The following RIPK2 variants were observed in gnomAD, a reference collection of about 807,000 sequenced individuals.
RIPK2 encodes receptor-interacting serine/threonine-protein kinase 2.
A neutral mutation model predicts 60.9 loss-of-function variants in RIPK2; 38 were observed. That is an observed-to-expected ratio of 0.62 (90% CI 0.48 to 0.82). The LOEUF is 0.82. RIPK2 is among the 40% of genes least tolerant of loss of function. RIPK2 has a pLI of 0.00. For missense variants in RIPK2, 518 were observed against 647.0 expected (o/e 0.80, Z 2.16); for synonymous variants, 225 against 223.4 (o/e 1.01, Z -0.06).
chr8:89,768,955 CTT>C (rs1276984589), intron 3 of RIPK2, among the ~76,000 whole-genome samples: 2 of 151,698 alleles, frequency 1.3e-5, no homozygotes, highest in Admixed American at 6.6e-5. Flanking sequence ...ATTTCAGTGT[CTT>C]TTAGGATTTC....
intron 7 of RIPK2, among the ~76,000 whole-genome samples, chr8:89,781,354 A>ATTTTTTTTTTTTTTT (rs58525879): frequency 6.9e-6 from 1 of 143,962 alleles, no homozygotes; most frequent in African/African-American, 2.6e-5. Context: ...AATAGATTGA[A>ATTTTTTTTTTTTTTT]TTTTTTTTTT....
chr8:89,770,611 G>A (rs1431070784), intron 4 of RIPK2, among the ~76,000 whole-genome samples: 1 of 151,780 alleles, frequency 6.6e-6, no homozygotes, highest in Non-Finnish European at 1.5e-5. Flanking sequence ...TGCAAAAGCA[G>A]ACTCTCTAAG....
intron 8 of RIPK2, 108 bp from the exon 9 acceptor site, chr8:89,786,484 AT>A (rs1186161026): frequency 2.3e-4 from 161 of 710,412 alleles, no homozygotes; most frequent in African/African-American, 1.6e-3. Context: ...AAAAAAAAAA[AT>A]TAGTAGTTTT....
intron 9 of RIPK2, 124 bp from the exon 10 acceptor site, chr8:89,789,197 C>G (rs559658355): frequency 2.6e-6 from 2 of 768,156 alleles, no homozygotes; most frequent in South Asian, 3.8e-5. Context: ...TCTGAACCAG[C>G]CTTAATATTA....
At chr8:89,788,136 G>A (rs945891064) in intron 9 of RIPK2, among the ~76,000 whole-genome samples, 23 of 152,122 alleles carry the variant, frequency 1.5e-4, no homozygotes, top group African/African-American at 5.6e-4. Flanking sequence ...GAGGCCAGGA[G>A]TTCAAGACCA....
At position 89,789,359 on chromosome 8, in the gene RIPK2, T is replaced by C. The variant is rs781108500; in HGVS notation, c.1162T>C (p.Cys388Arg). 1 of 1,614,106 alleles carries C rather than the reference T, an allele frequency of 6.2e-7. No individual in the cohort carries two copies. Among genetic ancestry groups the C allele is most frequent in the Non-Finnish European group, 8.5e-7 (1 of 1,179,970 alleles). The change falls in exon 10 of 11, where the codon TGT becomes CGT. Residue 388 changes from cysteine to arginine, a missense_variant. By Grantham distance (180) the Cys-to-Arg change is radical (BLOSUM62 -3). This residue lies in a region of RIPK2 where 448 missense variants were observed against 534.7 expected (regional missense o/e 0.84). Coordinates refer to ENST00000220751, the MANE Select transcript of RIPK2 (RefSeq NM_003821.6). ...CTGTTATTTTATGAAGCTGCATCAC[T>C]GTCCTGGAAATCACAGTTGGGATAG... The part of the protein sequence containing the change: ...QDCYFMKLHH[C>R]PGNHSWDSTI...
intron 6 of RIPK2, among the ~76,000 whole-genome samples, chr8:89,777,420 G>T (rs1283206827): frequency 6.6e-6 from 1 of 152,176 alleles, no homozygotes; most frequent in African/African-American, 2.4e-5. Flanking sequence ...AGCAACTTTT[G>T]ATTTGTAAAT....
Position 89,784,063 on chromosome 8 carries a change from C to T in RIPK2, c.953C>T (p.Ser318Leu). Residue 318 changes from serine to leucine, a missense_variant, in exon 8 of 11, where the codon TCA becomes TTA. By Grantham distance (145) the Ser-to-Leu change is moderately radical. Transcript: ENST00000220751. ...QLKKTKLQSV[S>L]SAIHLCDKKK... ...TATTCATTACAGTTACAGAGTGTTTCAAGTGCCATTCACCTATGTGACAAG... is the reference window on the plus strand; with the variant it reads ...TATTCATTACAGTTACAGAGTGTTTTAAGTGCCATTCACCTATGTGACAAG... The T allele has an allele frequency of 6.5e-7, 1 of 1,533,510 alleles. No individual in the cohort carries two copies. The highest frequency in any genetic ancestry group is 1.8e-4 in the Middle Eastern group (1 of 5,438). 95.0% of individuals were successfully genotyped at this position (1,533,510 alleles called of 1,614,324 possible).
intron 8 of RIPK2, among the ~76,000 whole-genome samples, chr8:89,786,335 A>G (rs1167694799): frequency 1.3e-5 from 2 of 151,972 alleles, no homozygotes; most frequent in Non-Finnish European, 2.9e-5. Context: ...TTAGCATGGT[A>G]TGGTGGTGTG....
At chr8:89,787,350 A>T (rs1225230982) in intron 9 of RIPK2, among the ~76,000 whole-genome samples, 1 of 152,236 alleles carries the variant, frequency 6.6e-6, no homozygotes, top group Non-Finnish European at 1.5e-5. Context: ...AAGGACTTTC[A>T]CAACAACCTT....
rs200736854 is a variant in RIPK2 at position 89,762,955 on chromosome 8, T to C, written c.300T>C (p.Asn100=). The change falls in exon 2 of 11, where the codon AAT becomes AAC. Residue 100 remains asparagine (N), a synonymous_variant. Transcript: ENST00000220751. ...FLGIVTEYMP[N]GSLNELLHRK... ...GAATAGTTACTGAATACATGCCAAA[T>C]GGATCATTAAATGAACTCCTACATA... 2.8e-5 allele frequency: 43 copies of C among 1,514,652 alleles called. No homozygotes were observed. Among genetic ancestry groups the C allele is most frequent in the Non-Finnish European group, 3.7e-5 (42 of 1,123,388 alleles). 93.8% of individuals were successfully genotyped at this position (1,514,652 alleles called of 1,614,324 possible).
chr8:89,765,937 A>G (rs1406042531), intron 3 of RIPK2, among the ~76,000 whole-genome samples: 3 of 151,734 alleles, frequency 2.0e-5, no homozygotes, highest in African/African-American at 4.8e-5. Context: ...AACCGCAACA[A>G]TCAAGGTACA....
At chr8:89,764,668 T>C (rs1292900029) in intron 2 of RIPK2, among the ~76,000 whole-genome samples, 1 of 152,166 alleles carries the variant, frequency 6.6e-6, no homozygotes, top group Non-Finnish European at 1.5e-5. Context: ...TAAAATGTTA[T>C]GTTTTAAATG....
At chr8:89,766,475 G>A (rs897163509) in intron 3 of RIPK2, among the ~76,000 whole-genome samples, 3 of 151,682 alleles carry the variant, frequency 2.0e-5, no homozygotes, top group South Asian at 4.1e-4. Flanking sequence ...CAGCTATTCC[G>A]CATCATTTTC....
rs1809073839 is a variant in RIPK2 at position 89,757,968 on chromosome 8, AGGGGCGTATCTGGGCGCCTGAGCGC to A, written c.-90_-66del. 1.4e-6 allele frequency: 2 copies of A among 1,440,894 alleles called. No homozygotes were observed. Among genetic ancestry groups the A allele is most frequent in the African/African-American group, 2.9e-5 (2 of 69,134 alleles). 89.3% of individuals were successfully genotyped at this position (1,440,894 alleles called of 1,614,324 possible). A position where few individuals can be genotyped will look rare whatever the true frequency, so the allele number is the denominator to read the frequency against. On this transcript the variant is annotated 5_prime_UTR_variant, in exon 1 of 11. Transcript: ENST00000220751. ...AGGGTCTTGCCGGCCTCGCTCGTGC[AGGGGCGTATCTGGGCGCCTGAGCGC>A]GGCGTGGGAGCCTTGGGAGCCGCCG...
At chr8:89,784,006 T>C (rs1809542018) in intron 7 of RIPK2, 44 bp from the exon 8 acceptor site, 1 of 1,028,512 alleles carries the variant, frequency 9.7e-7, no homozygotes, top group Non-Finnish European at 1.5e-6. Context: ...AATTTCCTAA[T>C]CATCTCCAGT....
intron 1 of RIPK2, among the ~76,000 whole-genome samples, chr8:89,760,556 C>A (rs1266839219): frequency 6.6e-6 from 1 of 152,192 alleles, no homozygotes; most frequent in African/African-American, 2.4e-5. Flanking sequence ...CAAGAACTTT[C>A]CTACTATATT....
intron 2 of RIPK2, among the ~76,000 whole-genome samples, chr8:89,763,484 C>T (rs1809178315): frequency 6.6e-6 from 1 of 151,998 alleles, no homozygotes; most frequent in African/African-American, 2.4e-5. Flanking sequence ...CCCAAGGTAC[C>T]AGTCACTCTC....
At chr8:89,763,610 C>T (rs1010894828) in intron 2 of RIPK2, among the ~76,000 whole-genome samples, 2 of 152,070 alleles carry the variant, frequency 1.3e-5, no homozygotes, top group African/African-American at 4.8e-5. Context: ...TTTTAAACTA[C>T]TTGGTCCATT....
Sources: gnomAD v4.1 joint callset for allele counts (sites outside exome capture counted in the v4.1 genomes callset) on GRCh38, gnomAD v4.1.1 for gene constraint, gnomAD v4.1.1 regional missense constraint, MANE v1.5 for transcripts, NCBI Gene and HGNC (gene_info 2026-07-23, HGNC 2026-07-21) for gene names.